VEGFB: variants seen among roughly 807,000 people sequenced by gnomAD.
VEGFB encodes the protein VEGF-related factor.
A neutral mutation model predicts 22.5 loss-of-function variants in VEGFB; 24 were observed. The observed-to-expected ratio is 1.07, with a 90% CI of 0.77 to 1.50. VEGFB has a LOEUF of 1.50. Among genes scored for constraint, VEGFB ranks in the 40% most tolerant of loss-of-function variants. The pLI is 0.00. For synonymous variants in VEGFB, 141 were observed against 117.4 expected (o/e 1.20, Z -1.30); for missense variants, 327 against 287.8 (o/e 1.14, Z -0.99).
In VEGFB at chr11:64,237,242, G is replaced by C; in HGVS notation, c.410+20G>C. 1 of 1,606,522 alleles carries C rather than the reference G, an allele frequency of 6.2e-7. No homozygotes were observed. Among genetic ancestry groups the C allele is most frequent in the East Asian group, 2.2e-5 (1 of 44,776 alleles). On this transcript the variant is annotated intron_variant, in intron 5 of 6. Transcript: ENST00000309422. ...AGACAGGTGAGTCTTTTGGACTCCAGCTGAGTAGGGGTATGGGGAGTACAA... is the reference window on the plus strand; with the variant it reads ...AGACAGGTGAGTCTTTTGGACTCCACCTGAGTAGGGGTATGGGGAGTACAA...
At position 64,237,119 on chromosome 11, in the gene VEGFB, G is replaced by GACAGAC. The variant is rs1591081317; in HGVS notation, c.375-67_375-66insCAGACA. The GACAGAC allele has an allele frequency of 6.3e-6, 5 of 791,060 alleles. 1 individual carries two copies. In the East Asian group the frequency reaches 1.2e-4, roughly 20 times the overall value. The allele number at this position is 791,060 out of a possible 1,614,324, so 49.0% of individuals were successfully genotyped here. A position where few individuals can be genotyped will look rare whatever the true frequency, so the allele number is the denominator to read the frequency against. On this transcript the variant is annotated intron_variant, in intron 4 of 6. Transcript: ENST00000309422. ...AGAGAGAGAGAGAGAGAGAGAGAGA[G>GACAGAC]AGAGTAGGATGCTGGGATTTCCTGA...
At chr11:64,235,428 C>A in intron 1 of VEGFB, 30 bp from the exon 2 acceptor site, 2 of 1,612,338 alleles carry the variant, frequency 1.2e-6, no homozygotes, top group Non-Finnish European at 1.7e-6. Context: ...CTAAAGTGTA[C>A]CTTGGGTACA....
At chr11:64,237,116 A>C in intron 4 of VEGFB, 71 bp from the exon 5 acceptor site, 1 of 694,168 alleles carries the variant, frequency 1.4e-6, no homozygotes, top group Non-Finnish European at 2.4e-6. Context: ...AGAGAGAGAG[A>C]GAGAGAGTAG....
rs12294913 is a variant in VEGFB, at chr11:64,237,171, C to G, written c.375-16C>G. ...CTTCCTCTTGTTTGTCTGTGTCTGTCTATCTTACTTTTCAGACCTAAAAAA... is the reference window on the plus strand; with the variant it reads ...CTTCCTCTTGTTTGTCTGTGTCTGTGTATCTTACTTTTCAGACCTAAAAAA... On this transcript the variant is annotated splice_polypyrimidine_tract_variant and intron_variant, in intron 4 of 6. Transcript: ENST00000309422. 0.048 allele frequency: 72,045 copies of G among 1,492,590 alleles called. 6,421 individuals carry two copies. The highest frequency in any genetic ancestry group is 0.33 in the East Asian group (8,429 of 25,492). 92.5% of individuals were successfully genotyped at this position (1,492,590 alleles called of 1,614,324 possible). A position where few individuals can be genotyped will look rare whatever the true frequency, so the allele number is the denominator to read the frequency against.
Position 64,235,472 on chromosome 11 carries a change from G to A in VEGFB, c.75G>A (p.Gln25=). Residue 25 remains glutamine, a synonymous_variant, in exon 2 of 7, where the codon CAG becomes CAA. Transcript: ENST00000309422. ...QLAPAQAPVS[Q]PDAPGHQRKV... is the part of the protein sequence containing the mutation. ...CTCTCCCACAGGCCCCTGTCTCCCA[G>A]CCTGATGCCCCTGGCCACCAGAGGA... The A allele has an allele frequency of 1.2e-6, 2 of 1,613,908 alleles. No individual in the cohort carries two copies. The highest frequency in any genetic ancestry group is 2.2e-5 in the South Asian group (2 of 91,084).
chr11:64,235,941 TGTG>T lies in VEGFB; in HGVS notation c.237_239del (p.Gly80del). 6.2e-7 allele frequency: 1 copy of T among 1,612,636 alleles called. No homozygotes were observed. On this transcript the variant is annotated inframe_deletion, in exon 3 of 7. Transcript: ENST00000309422. Reference sequence around the variant, plus strand: ...GCCCAGCTGCGTGACTGTGCAGCGCTGTGGTGGCTGCTGCCCTGACGATGGCCT... The same window carrying T: ...GCCCAGCTGCGTGACTGTGCAGCGCTGTGGCTGCTGCCCTGACGATGGCCT...
intron 1 of VEGFB, 119 bp from the exon 2 acceptor site, chr11:64,235,339 C>G (rs2029910880): frequency 1.0e-6 from 1 of 979,176 alleles, no homozygotes; most frequent in African/African-American, 1.6e-5. Flanking sequence ...ACAGAGCAAT[C>G]TGGAAAGATG....
intron 5 of VEGFB, 53 bp from the exon 6 acceptor site, chr11:64,237,367 C>T: frequency 1.3e-6 from 2 of 1,538,934 alleles, no homozygotes; most frequent in South Asian, 2.3e-5. Flanking sequence ...CCGACCCCAG[C>T]TCTAGGGAAG....
chr11:64,236,205 C>A (rs2030000381), intron 3 of VEGFB, 49 bp from the exon 4 acceptor site: 1 of 1,602,634 alleles, frequency 6.2e-7, no homozygotes, highest in East Asian at 2.2e-5. Context: ...TAGAGCATCC[C>A]CTTTCTCTCT....
intron 6 of VEGFB, 61 bp from the exon 7 acceptor site, chr11:64,238,295 T>A: frequency 1.3e-6 from 2 of 1,528,668 alleles, no homozygotes; most frequent in Non-Finnish European, 1.7e-6. Flanking sequence ...GAGGCACACA[T>A]GAGTCCAGGG....
chr11:64,235,496 GA>G lies in VEGFB; in HGVS notation c.102del (p.Val35TrpfsTer5). 1 of 1,613,920 alleles carries G rather than the reference GA, an allele frequency of 6.2e-7. No homozygotes were observed. The highest frequency in any genetic ancestry group is 1.1e-5 in the South Asian group (1 of 91,084). On this transcript the variant is annotated frameshift_variant, in exon 2 of 7. Transcript: ENST00000309422. LOFTEE classifies it high-confidence loss of function. The part of the protein sequence containing the change: ...SQPDAPGHQR[K>X]VVSWIDVYTR... ...AGCCTGATGCCCCTGGCCACCAGAG[GA>G]AAGGTAATACTTACAAAAACTCGGC...
intron 5 of VEGFB, 21 bp downstream of exon 5, chr11:64,237,243 C>G: frequency 1.9e-6 from 3 of 1,606,304 alleles, no homozygotes; most frequent in South Asian, 2.2e-5. Flanking sequence ...TGGACTCCAG[C>G]TGAGTAGGGG....
At position 64,238,549 on chromosome 11, in the gene VEGFB, T is replaced by C; in HGVS notation, c.*216T>C. 1.3e-6 allele frequency: 1 copy of C among 741,088 alleles called. No individual in the cohort carries two copies. Among genetic ancestry groups the C allele is most frequent in the Non-Finnish European group, 2.2e-6 (1 of 453,696 alleles). The allele number at this position is 741,088 out of a possible 1,614,324, so 45.9% of individuals were successfully genotyped here. Reference sequence around the variant, plus strand: ...GCTCTTCTGCCATCCCTTGTCTCCCTGAGGCCATCATCAAACAGGACAGAG... The same window carrying C: ...GCTCTTCTGCCATCCCTTGTCTCCCCGAGGCCATCATCAAACAGGACAGAG... On this transcript the variant is annotated 3_prime_UTR_variant, in exon 7 of 7. Coordinates refer to ENST00000309422, the MANE Select transcript of VEGFB (RefSeq NM_003377.5).
rs1230175425 is a variant in VEGFB, at chr11:64,237,066, A to C, written c.375-121A>C. The C allele has an allele frequency of 2.4e-6, 2 of 825,026 alleles. 1 individual carries two copies. The highest frequency in any genetic ancestry group is 3.7e-6 in the Non-Finnish European group (2 of 536,376). 51.1% of individuals were successfully genotyped at this position (825,026 alleles called of 1,614,324 possible). A position where few individuals can be genotyped will look rare whatever the true frequency, so the allele number is the denominator to read the frequency against. ...CCACTGCACTCCAGCCTGGGCAAGA[A>C]GAGGGAAACACAGTCTCAAAGAGAG... On this transcript the variant is annotated intron_variant, in intron 4 of 6. Coordinates refer to ENST00000309422, the MANE Select transcript of VEGFB (RefSeq NM_003377.5).
In VEGFB at chr11:64,235,456, A is replaced by C. The variant is rs774460959; in HGVS notation, c.61-2A>C. 6.2e-7 allele frequency: 1 copy of C among 1,613,804 alleles called. No individual in the cohort carries two copies. Among genetic ancestry groups the C allele is most frequent in the South Asian group, 1.1e-5 (1 of 91,084 alleles). ...TGGGTACAGGTCTTTTCTCTCCCAC[A>C]GGCCCCTGTCTCCCAGCCTGATGCC... is the stretch of plus-strand genomic sequence containing the variant. On this transcript the variant is annotated splice_acceptor_variant, in intron 1 of 6. Coordinates refer to ENST00000309422, the MANE Select transcript of VEGFB (RefSeq NM_003377.5). LOFTEE classifies it high-confidence loss of function.
chr11:64,235,770 A>C, intron 2 of VEGFB, 43 bp from the exon 3 acceptor site: 1 of 1,608,240 alleles, frequency 6.2e-7, no homozygotes, highest in Non-Finnish European at 8.5e-7. Flanking sequence ...GAGCAGCTGC[A>C]GGAAAACCAG....
chr11:64,238,229 A>G, intron 6 of VEGFB, 127 bp from the exon 7 acceptor site: 1 of 1,214,320 alleles, frequency 8.2e-7, no homozygotes, highest in Non-Finnish European at 1.2e-6. Context: ...TGCAGCCTCC[A>G]GTGCCCAGGG....
chr11:64,237,332 G>A lies in VEGFB; in HGVS notation c.411-88G>A, dbSNP rs1195326022. On this transcript the variant is annotated intron_variant, in intron 5 of 6. Transcript: ENST00000309422. ...CGTCCCCCACTTTCCCTTTTCCTCT[G>A]CTCCCCAAGCCTGTGTTCTCTGCCC... is the stretch of plus-strand genomic sequence containing the variant. 5 of 1,508,972 alleles carry A rather than the reference G, an allele frequency of 3.3e-6. No individual in the cohort carries two copies. In the East Asian group the frequency reaches 9.1e-5, roughly 28 times the overall value. 93.5% of individuals were successfully genotyped at this position (1,508,972 alleles called of 1,614,324 possible). A position where few individuals can be genotyped will look rare whatever the true frequency, so the allele number is the denominator to read the frequency against.
In VEGFB at chr11:64,237,540, C is replaced by A. The variant is rs141977627; in HGVS notation, c.531C>A (p.His177Gln). ...HPTPAPGPSA[H>Q]AAPSTTSALT... ...CTCCAGCCCCAGGCCCCTCTGCCCA[C>A]GCTGCACCCAGCACCACCAGCGCCC... is the stretch of plus-strand genomic sequence containing the variant. The change falls in exon 6 of 7, where the codon CAC becomes CAA. Residue 177 changes from histidine (H) to glutamine (Q), a missense_variant. His to Gln is a conservative substitution (Grantham distance 24, BLOSUM62 0). Transcript: ENST00000309422. 6.2e-7 allele frequency: 1 copy of A among 1,609,198 alleles called. No individual in the cohort carries two copies. Among genetic ancestry groups the A allele is most frequent in the Non-Finnish European group, 8.5e-7 (1 of 1,179,516 alleles).
Sources: allele counts gnomAD v4.1 joint callset, GRCh38; gene constraint gnomAD v4.1.1; transcripts MANE v1.5; gene names NCBI Gene and HGNC (gene_info 2026-07-23, HGNC 2026-07-21).